The following ZNF254 variants were observed in gnomAD, a reference collection of about 807,000 sequenced individuals.
ZNF254 encodes CTD-2017D11.1.
ZNF254 carries 10 observed loss-of-function variants against 12.4 expected under a neutral mutation model. The observed-to-expected ratio is 0.80, with a 90% CI of 0.50 to 1.36. ZNF254 has a LOEUF of 1.36. ZNF254 is among the 40% of genes most tolerant of loss of function. The pLI is 0.00. For missense variants in ZNF254, 996 were observed against 763.9 expected (o/e 1.30, Z -3.58); for synonymous variants, 305 against 253.4 (o/e 1.20, Z -1.93).
At chr19:24,117,646 C>T (rs1974186136) in intron 3 of ZNF254, among the ~76,000 whole-genome samples, 1 of 152,130 alleles carries the variant, frequency 6.6e-6, no homozygotes. Context: ...CTTGCACTTC[C>T]TGAGTGAGGT....
intron 3 of ZNF254, among the ~76,000 whole-genome samples, chr19:24,111,574 G>C (rs992303011): frequency 6.6e-5 from 10 of 152,368 alleles, no homozygotes; most frequent in Middle Eastern, 3.4e-3. Flanking sequence ...CACCAACAGT[G>C]TAAAAGTGTT....
intron 3 of ZNF254, among the ~76,000 whole-genome samples, chr19:24,117,655 G>A (rs1371773528): frequency 3.3e-5 from 5 of 152,034 alleles, no homozygotes; most frequent in Non-Finnish European, 7.4e-5. Context: ...CCTGAGTGAG[G>A]TAATGCCTAG....
chr19:24,060,452 C>A (rs139385374), intron 2 of ZNF254, among the ~76,000 whole-genome samples: 1 of 152,276 alleles, frequency 6.6e-6, no homozygotes, highest in East Asian at 1.9e-4. Flanking sequence ...TGTAATTTGT[C>A]TCCTGCCTAA....
intron 2 of ZNF254, among the ~76,000 whole-genome samples, chr19:24,069,865 T>C (rs996613269): frequency 6.6e-6 from 1 of 152,120 alleles, no homozygotes; most frequent in African/African-American, 2.4e-5. Context: ...GGCAGGAGAA[T>C]CACTTGAACC....
chr19:24,041,598 C>T (rs1430661371), intron 1 of ZNF254, among the ~76,000 whole-genome samples: 1 of 152,258 alleles, frequency 6.6e-6, no homozygotes, highest in Non-Finnish European at 1.5e-5. Flanking sequence ...AGCCTCCCAC[C>T]CACTCCATGG....
chr19:24,111,390 G>A (rs10418094), intron 3 of ZNF254, among the ~76,000 whole-genome samples: 21,763 of 152,022 alleles, frequency 0.14, 2,531 homozygotes, highest in African/African-American at 0.32. Context: ...CTTTGCTATT[G>A]TGAATACTGC....
chr19:24,087,174 G>A, upstream of ZNF254: 3 of 1,200,768 alleles, frequency 2.5e-6, no homozygotes, highest in Non-Finnish European at 3.6e-6. Flanking sequence ...AGCGGCTTCC[G>A]GGATATGGCG....
At chr19:24,110,870 T>C (rs1683661133) in intron 3 of ZNF254, among the ~76,000 whole-genome samples, 1 of 152,136 alleles carries the variant, frequency 6.6e-6, no homozygotes, top group African/African-American at 2.4e-5. Context: ...TTTTTCACTG[T>C]TAAATATTCT....
chr19:24,041,394 GC>G (rs1970150379), intron 1 of ZNF254, among the ~76,000 whole-genome samples: 1 of 152,226 alleles, frequency 6.6e-6, no homozygotes, highest in Non-Finnish European at 1.5e-5. Flanking sequence ...GGCTTGGTGG[GC>G]CCCACACTCG....
At chr19:24,110,067 G>A (rs939973856) in intron 3 of ZNF254, among the ~76,000 whole-genome samples, 6 of 151,900 alleles carry the variant, frequency 3.9e-5, no homozygotes, top group Admixed American at 3.9e-4. Context: ...TCTTGTCTAA[G>A]TGAGTAGCCT....
chr19:24,042,504 G>A (rs1391992181), intron 1 of ZNF254, among the ~76,000 whole-genome samples: 5 of 152,122 alleles, frequency 3.3e-5, no homozygotes, highest in Non-Finnish European at 7.4e-5. Flanking sequence ...AACACTCACC[G>A]TGAAGATCTG....
chr19:24,058,413 CTTTT>C (rs574813499), intron 2 of ZNF254, among the ~76,000 whole-genome samples: 1 of 123,894 alleles, frequency 8.1e-6, no homozygotes, highest in African/African-American at 3.0e-5. Flanking sequence ...TTCTTTCTTT[CTTTT>C]TTTTTTTTTT....
chr19:24,089,079 C>T (rs1437665259), intron 1 of ZNF254, among the ~76,000 whole-genome samples: 2 of 146,326 alleles, frequency 1.4e-5, no homozygotes, highest in Non-Finnish European at 3.0e-5. Context: ...CAGGTTTAAG[C>T]GATTCTCCTG....
intron 2 of ZNF254, among the ~76,000 whole-genome samples, chr19:24,074,155 C>G (rs1296497205): frequency 1.3e-5 from 2 of 152,344 alleles, no homozygotes; most frequent in African/African-American, 4.8e-5. Flanking sequence ...TGATGTAACT[C>G]TCTTTGCTGG....
At chr19:24,084,799 T>G (rs559721076), upstream of ZNF254, among the ~76,000 whole-genome samples, 5 of 152,198 alleles carry the variant, frequency 3.3e-5, no homozygotes, top group South Asian at 1.0e-3. Flanking sequence ...AGTTAACTTT[T>G]GTATTTTTTT....
intron 1 of ZNF254, among the ~76,000 whole-genome samples, chr19:24,044,101 G>C (rs960639120): frequency 6.6e-6 from 1 of 151,502 alleles, no homozygotes; most frequent in Non-Finnish European, 1.5e-5. Flanking sequence ...TTAGCTGGGC[G>C]TGCTGGCAGG....
intron 1 of ZNF254, chr19:24,098,594 GTATT>G (rs955703741): frequency 6.6e-6 from 1 of 152,142 alleles, no homozygotes; most frequent in Non-Finnish European, 1.5e-5. Flanking sequence ...TGCACTTTGG[GTATT>G]TAGAGAGAAA....
intron 2 of ZNF254, among the ~76,000 whole-genome samples, chr19:24,081,504 A>G (rs759299328): frequency 9.2e-5 from 14 of 152,068 alleles, no homozygotes; most frequent in Non-Finnish European, 1.5e-4. Flanking sequence ...CATTTGCATG[A>G]CTCTACTCAT....
intron 2 of ZNF254, among the ~76,000 whole-genome samples, chr19:24,047,434 T>G (rs1214804472): frequency 1.3e-5 from 2 of 151,870 alleles, no homozygotes; most frequent in African/African-American, 4.8e-5. Context: ...CCTGGCTAAA[T>G]TTTTTATTTC....
Sources: allele counts gnomAD v4.1 joint callset (sites outside exome capture counted in the v4.1 genomes callset), GRCh38; gene constraint gnomAD v4.1.1; transcripts MANE v1.5; gene names NCBI Gene and HGNC (gene_info 2026-07-23, HGNC 2026-07-21).